Variants in ELMO1 observed in about 807,000 individuals in gnomAD.
The protein encoded by ELMO1 is engulfment and cell motility 1.
In ELMO1, 26 loss-of-function variants were observed where a neutral mutation model predicts 98.9. The ratio of observed to expected loss-of-function variants is 0.26; its 90% CI spans 0.19 to 0.36. The LOEUF (loss-of-function observed/expected upper bound fraction) is 0.36. Ranked by LOEUF, ELMO1 falls within the 10% of genes least tolerant of loss-of-function variation. The pLI, the probability that ELMO1 is intolerant of heterozygous loss-of-function variation, is 1.00. For missense variants in ELMO1, 627 were observed against 935.2 expected, an observed-to-expected ratio of 0.67 and a Z score of 4.30; for synonymous variants, 346 against 346.0, an observed-to-expected ratio of 1.00 and a Z score of 0.00.
chr7:37,341,196 C>CA (rs1332603850), intron 2 of ELMO1, among the ~76,000 whole-genome samples: 1 of 152,230 alleles, frequency 6.6e-6, no homozygotes, highest in Non-Finnish European at 1.5e-5. Context: ...TGCAACAAGA[C>CA]AGAGGGCCCC....
intron 1 of ELMO1, among the ~76,000 whole-genome samples, chr7:37,401,287 G>T (rs184567291): frequency 6.6e-6 from 1 of 152,142 alleles, no homozygotes; most frequent in Non-Finnish European, 1.5e-5. Context: ...GAAGGGATGG[G>T]TTCAGGACCT....
chr7:37,175,880 C>T (rs747391785), intron 13 of ELMO1, among the ~76,000 whole-genome samples: 8 of 151,914 alleles, frequency 5.3e-5, no homozygotes, highest in Non-Finnish European at 1.0e-4. Context: ...AACCAACAAA[C>T]GACTCATGAT....
intron 13 of ELMO1, among the ~76,000 whole-genome samples, chr7:37,135,394 A>AGTCC (rs1345563280): frequency 1.3e-5 from 2 of 152,190 alleles, no homozygotes; most frequent in African/African-American, 4.8e-5. Flanking sequence ...CTTTGAAGGA[A>AGTCC]CTGGATCACC....
At chr7:36,951,936 AG>A (rs1375559301) in intron 16 of ELMO1, among the ~76,000 whole-genome samples, 4 of 152,180 alleles carry the variant, frequency 2.6e-5, no homozygotes, top group Admixed American at 2.0e-4. Flanking sequence ...GATTAAATGA[AG>A]GGGGGTTTAA....
At chr7:36,954,200 A>C (rs1407693437) in intron 16 of ELMO1, among the ~76,000 whole-genome samples, 1 of 152,182 alleles carries the variant, frequency 6.6e-6, no homozygotes. Flanking sequence ...TCATCTTCAC[A>C]GCAATGCTGC....
chr7:37,378,618 G>T (rs1047575474), intron 1 of ELMO1, among the ~76,000 whole-genome samples: 1 of 152,024 alleles, frequency 6.6e-6, no homozygotes, highest in African/African-American at 2.4e-5. Flanking sequence ...AATATTTACA[G>T]ATGGTCTTCT....
At chr7:37,260,175 TCTGC>T (rs1191512047) in intron 5 of ELMO1, among the ~76,000 whole-genome samples, 1 of 152,210 alleles carries the variant, frequency 6.6e-6, no homozygotes, top group African/African-American at 2.4e-5. Context: ...AATAAAATGT[TCTGC>T]CTGTGTTTTT....
chr7:37,190,622 C>T (rs1052136678), intron 13 of ELMO1, among the ~76,000 whole-genome samples: 27 of 152,046 alleles, frequency 1.8e-4, no homozygotes, highest in South Asian at 6.2e-4. Flanking sequence ...CTTAGCCTCT[C>T]GAGTAGCTGG....
At position 37,266,784 on chromosome 7, in the gene ELMO1, G is replaced by A. The variant is rs117346008; in HGVS notation, c.243+5048C>T. Among the ~76,000 whole-genome samples, 405 of 152,164 alleles carry A rather than the reference G, an allele frequency of 2.7e-3. 2 individuals carry two copies. Among genetic ancestry groups the A allele is most frequent in the Non-Finnish European group, 4.6e-3 (312 of 68,002 alleles). On this transcript the variant is annotated intron_variant, in intron 5 of 21. Transcript: ENST00000310758. ...TCCCAGCACTTTGGGAGGTTGAGGC[G>A]AGCAGATAACTTGAGGTCAAGAATT...
chr7:37,231,402 G>T (rs559644263), intron 8 of ELMO1, among the ~76,000 whole-genome samples: 1 of 151,990 alleles, frequency 6.6e-6, no homozygotes, highest in Non-Finnish European at 1.5e-5. Flanking sequence ...GTAATCCAGG[G>T]TAACATCACC....
intron 13 of ELMO1, among the ~76,000 whole-genome samples, chr7:37,156,699 C>T (rs529129249): frequency 5.9e-5 from 9 of 152,200 alleles, no homozygotes; most frequent in South Asian, 4.2e-4. Context: ...AAAAAAAGTC[C>T]AGGACCAGAA....
chr7:36,924,470 T>C (rs571689143), intron 16 of ELMO1, among the ~76,000 whole-genome samples: 127 of 152,182 alleles, frequency 8.3e-4, no homozygotes, highest in Admixed American at 1.9e-3. Context: ...TACAAAAAAA[T>C]AGAATCCCAG....
intron 16 of ELMO1, among the ~76,000 whole-genome samples, chr7:36,943,329 A>G (rs529376356): frequency 1.3e-5 from 2 of 152,314 alleles, no homozygotes; most frequent in East Asian, 1.9e-4. Flanking sequence ...CGGTGTTTAT[A>G]TAAATCCAGT....
chr7:37,194,971 AG>A (rs1424786158), intron 13 of ELMO1, among the ~76,000 whole-genome samples: 1 of 152,244 alleles, frequency 6.6e-6, no homozygotes, highest in African/African-American at 2.4e-5. Context: ...ATCCAGTGGC[AG>A]GAACTGTGCT....
intron 6 of ELMO1, among the ~76,000 whole-genome samples, chr7:37,245,778 T>C (rs1794975164): frequency 6.6e-6 from 1 of 152,056 alleles, no homozygotes; most frequent in African/African-American, 2.4e-5. Context: ...GAACATCTTG[T>C]TGAGCCAGAA....
intron 13 of ELMO1, among the ~76,000 whole-genome samples, chr7:37,168,553 A>T (rs538767587): frequency 3.3e-5 from 5 of 152,208 alleles, no homozygotes; most frequent in Admixed American, 3.3e-4. Context: ...TTTCCTTCTA[A>T]CAGACAGGAC....
chr7:37,286,813 T>C (rs1584918940), intron 4 of ELMO1, among the ~76,000 whole-genome samples: 2 of 152,196 alleles, frequency 1.3e-5, no homozygotes, highest in African/African-American at 4.8e-5. Context: ...GTGAAGTCTA[T>C]GGATCTTCTT....
At position 36,868,120 on chromosome 7, in the gene ELMO1, A is replaced by G; in HGVS notation, c.1905+2273T>C. 1.3e-5 allele frequency among the ~76,000 whole-genome samples: 2 copies of G among 152,200 alleles called. 1 individual carries two copies. The highest frequency in any genetic ancestry group is 6.3e-3 in the Middle Eastern group (2 of 316). ...GGGAAGTTGAAGTCTCCAATATATT[A>G]ATAATAATGAATTTGTTTATTTCTC... is the stretch of plus-strand genomic sequence containing the variant. On this transcript the variant is annotated intron_variant, in intron 20 of 21. Coordinates refer to ENST00000310758, the MANE Select transcript of ELMO1 (RefSeq NM_014800.11).
rs200193335 is a variant in ELMO1, at chr7:36,857,353, TGAG to T, written c.1984-1605_1984-1603del. ...AGATCCTGATCATGTAGATCTAGGG[TGAG>T]GAGACTTTGCTTCCTAGAAAACTCT... is the stretch of plus-strand genomic sequence containing the variant. On this transcript the variant is annotated intron_variant, in intron 21 of 21. Transcript: ENST00000310758. Among the ~76,000 whole-genome samples the T allele has an allele frequency of 6.1e-3, 923 of 151,768 alleles. 38 individuals carry two copies. The highest frequency in any genetic ancestry group is 0.052 in the Admixed American group (786 of 15,252).
Sources: allele counts gnomAD v4.1 joint callset (sites outside exome capture counted in the v4.1 genomes callset), GRCh38; gene constraint gnomAD v4.1.1; transcripts MANE v1.5; gene names NCBI Gene and HGNC (gene_info 2026-07-23, HGNC 2026-07-21).